The following COL4A6 variants were observed in gnomAD, a reference collection of about 807,000 sequenced individuals.
COL4A6 encodes the protein collagen type IV alpha 6 chain.
COL4A6 carries 59 observed loss-of-function variants against 126.7 expected under a neutral mutation model. That is an observed-to-expected ratio of 0.47 (90% confidence interval 0.38 to 0.58). The LOEUF (loss-of-function observed/expected upper bound fraction) is 0.58. Among genes scored for constraint, COL4A6 ranks in the 20% least tolerant of loss-of-function variants. The pLI is 0.00. For synonymous variants in COL4A6, 547 were observed against 496.6 expected (o/e 1.10, Z -1.35); for missense variants, 1,285 against 1,337.3 (o/e 0.96, Z 0.61).
At position 108,169,617 on chromosome X, in the gene COL4A6, G is replaced by C. The variant is rs773974179; in HGVS notation, c.3569C>G (p.Pro1190Arg). The change falls in exon 37 of 45, where the codon CCT becomes CGT. Residue 1190 changes from proline (P) to arginine (R), a missense_variant. Coordinates refer to ENST00000334504, the MANE Select transcript of COL4A6 (RefSeq NM_033641.4). ...GTKGTHGTPGPSITGVPGPAG... is the reference protein window; with the variant it reads ...GTKGTHGTPGRSITGVPGPAG... ...AGGCCCAGGCACACCGGTGATACTA[G>C]GTCCTAGGAGGAGATGCAGGGGTAG... 2.4e-5 allele frequency: 29 copies of C among 1,205,966 alleles called. No individual in the cohort carries two copies. Among genetic ancestry groups the C allele is most frequent in the Non-Finnish European group, 3.1e-5 (28 of 893,101 alleles).
chrX:108,293,497 C>T (rs1407570426), intron 3 of COL4A6, among the ~76,000 whole-genome samples: 3 of 111,505 alleles, frequency 2.7e-5, no homozygotes, highest in Admixed American at 9.5e-5. Flanking sequence ...TACTTAAAAC[C>T]TTAAATGATA....
chrX:108,354,557 T>C (rs2039915109), intron 2 of COL4A6, among the ~76,000 whole-genome samples: 1 of 109,556 alleles, frequency 9.1e-6, no homozygotes, highest in South Asian at 4.0e-4. Context: ...AAGAAAGGCT[T>C]CACAACTCTA....
intron 16 of COL4A6, among the ~76,000 whole-genome samples, 176 bp downstream of exon 16, chrX:108,194,358 T>C (rs1266173805): frequency 8.9e-6 from 1 of 112,534 alleles, no homozygotes; most frequent in Non-Finnish European, 1.9e-5. Flanking sequence ...TCAAGTAGTA[T>C]CTAAGAAATG....
rs189729651 is a variant in COL4A6 at position 108,296,460 on chromosome X, A to C, written c.144+14288T>G. Among the ~76,000 whole-genome samples the C allele has an allele frequency of 1.4e-3, 154 of 111,786 alleles. 1 individual carries two copies. The highest frequency in any genetic ancestry group is 0.012 in the Admixed American group (123 of 10,546). ...TCTGAGCCTCTAGCCACCCACCTCT[A>C]ACCTCAGTAAAACTCTTTATAAAAT... On this transcript the variant is annotated intron_variant, in intron 3 of 44. Transcript: ENST00000334504.
chrX:108,310,317 T>C (rs1427501537), intron 3 of COL4A6, among the ~76,000 whole-genome samples: 1 of 112,063 alleles, frequency 8.9e-6, no homozygotes, highest in Non-Finnish European at 1.9e-5. Flanking sequence ...CTTGTTCTCT[T>C]GAGTCTATCA....
At chrX:108,366,477 A>C in intron 2 of COL4A6, among the ~76,000 whole-genome samples, 1 of 112,102 alleles carries the variant, frequency 8.9e-6, no homozygotes, top group East Asian at 2.8e-4. Flanking sequence ...TGGTTAAGGA[A>C]AATCTGCTTT....
chrX:108,278,093 C>T (rs1385728477), intron 3 of COL4A6, among the ~76,000 whole-genome samples: 1 of 112,302 alleles, frequency 8.9e-6, no homozygotes, highest in Non-Finnish European at 1.9e-5. Flanking sequence ...GCCTCTCCTC[C>T]TCCAAAGGAA....
chrX:108,421,034 C>T (rs190947745), intron 2 of COL4A6, among the ~76,000 whole-genome samples: 6 of 111,910 alleles, frequency 5.4e-5, no homozygotes, highest in Non-Finnish European at 1.1e-4. Flanking sequence ...TAGTCTTTAC[C>T]TAAATGATTT....
intron 36 of COL4A6, 93 bp downstream of exon 36, chrX:108,169,852 T>C: frequency 1.1e-6 from 1 of 906,317 alleles, no homozygotes; most frequent in East Asian, 3.4e-5. Flanking sequence ...TCCAAGGATA[T>C]GGGATACACC....
chrX:108,366,078 A>G (rs2040191490), intron 2 of COL4A6, among the ~76,000 whole-genome samples: 1 of 111,600 alleles, frequency 9.0e-6, no homozygotes, highest in South Asian at 3.8e-4. Context: ...TGGACTTTAT[A>G]TTGTACATTC....
chrX:108,324,722 T>C (rs1184367844), intron 2 of COL4A6, among the ~76,000 whole-genome samples: 1 of 112,190 alleles, frequency 8.9e-6, no homozygotes, highest in Non-Finnish European at 1.9e-5. Context: ...AAGGCTTACA[T>C]GTGTTGATAA....
chrX:108,276,816 G>C lies in COL4A6; in HGVS notation c.144+33932C>G, dbSNP rs188212379. Among the ~76,000 whole-genome samples the C allele has an allele frequency of 2.9e-4, 33 of 112,060 alleles. 1 individual carries two copies. The East Asian group carries it at 8.5e-3, about 29-fold the overall frequency. On this transcript the variant is annotated intron_variant, in intron 3 of 44. Coordinates refer to ENST00000334504, the MANE Select transcript of COL4A6 (RefSeq NM_033641.4). ...GGTGGCATGGGGAAGTGGATCACTAGAATCAGGATACTGAGGATTTCAACC... is the reference window on the plus strand; with the variant it reads ...GGTGGCATGGGGAAGTGGATCACTACAATCAGGATACTGAGGATTTCAACC...
chrX:108,437,175 C>A (rs942814737), intron 2 of COL4A6, among the ~76,000 whole-genome samples: 1 of 112,005 alleles, frequency 8.9e-6, no homozygotes, highest in Non-Finnish European at 1.9e-5. Context: ...TTGGGTCACT[C>A]CATCTTTGTG....
rs2033952694 is a variant in COL4A6 at position 108,161,873 on chromosome X, T to C, written c.4217-138A>G. On this transcript the variant is annotated intron_variant, in intron 41 of 44. Transcript: ENST00000334504. ...TTGGCTGTCGACTTGGTGTGCACAC[T>C]GCACATCAAGGCTGCAGCCGCCTGG... 4 of 440,974 alleles carry C rather than the reference T, an allele frequency of 9.1e-6. No individual in the cohort carries two copies. The South Asian group carries it at 1.4e-4, about 15-fold the overall frequency. The allele number at this position is 440,974 out of a possible 1,213,427, so 36.3% of individuals were successfully genotyped here.
chrX:108,336,682 T>C (rs182560425), intron 2 of COL4A6, among the ~76,000 whole-genome samples: 5 of 111,696 alleles, frequency 4.5e-5, no homozygotes, highest in African/African-American at 1.6e-4. Flanking sequence ...AATTGATCAA[T>C]TGATTAATCA....
Position 108,187,291 on chromosome X carries a change from A to G in COL4A6, c.1768-12T>C. The stretch of plus-strand genomic sequence containing the variant: ...TGTCCACCATCACCCTAGACAACAT[A>G]TAAAACAAAGAATGAAAATTCAACT... On this transcript the variant is annotated splice_polypyrimidine_tract_variant and intron_variant, in intron 22 of 44. Coordinates refer to ENST00000334504, the MANE Select transcript of COL4A6 (RefSeq NM_033641.4). 2 of 1,098,968 alleles carry G rather than the reference A, an allele frequency of 1.8e-6. No individual in the cohort carries two copies. Among genetic ancestry groups the G allele is most frequent in the Non-Finnish European group, 1.2e-6 (1 of 831,791 alleles). 90.6% of individuals were successfully genotyped at this position (1,098,968 alleles called of 1,213,427 possible). A position where few individuals can be genotyped will look rare whatever the true frequency, so the allele number is the denominator to read the frequency against.
At chrX:108,387,377 C>T (rs764153966) in intron 2 of COL4A6, among the ~76,000 whole-genome samples, 2 of 111,670 alleles carry the variant, frequency 1.8e-5, no homozygotes, top group East Asian at 5.6e-4. Flanking sequence ...TCTTTGTGTC[C>T]TCTCTTATTT....
At chrX:108,313,052 G>A (rs1238694867) in intron 2 of COL4A6, among the ~76,000 whole-genome samples, 1 of 112,782 alleles carries the variant, frequency 8.9e-6, no homozygotes, top group Non-Finnish European at 1.9e-5. Context: ...ACTGTCCTTT[G>A]TCACTGAGGA....
At chrX:108,338,505 A>G (rs1363262941) in intron 2 of COL4A6, among the ~76,000 whole-genome samples, 1 of 112,215 alleles carries the variant, frequency 8.9e-6, no homozygotes, top group African/African-American at 3.2e-5. Context: ...CTCTGTTAGT[A>G]TTGCTTGAAG....
Sources: allele counts gnomAD v4.1 joint callset (sites outside exome capture counted in the v4.1 genomes callset), GRCh38; gene constraint gnomAD v4.1.1; transcripts MANE v1.5; gene names NCBI Gene and HGNC (gene_info 2026-07-23, HGNC 2026-07-21).